UBTD2: variants seen among roughly 807,000 people sequenced by gnomAD.
UBTD2 encodes the protein ubiquitin domain-containing protein 2.
Under a neutral mutation model 19.8 loss-of-function variants are expected in UBTD2, and 9 were observed. That is an observed-to-expected ratio of 0.46 (90% CI 0.27 to 0.79). The LOEUF (loss-of-function observed/expected upper bound fraction) is 0.79. Among genes scored for constraint, UBTD2 ranks in the 30% least tolerant of loss-of-function variants. The pLI, the probability that UBTD2 is intolerant of heterozygous loss-of-function variation, is 0.14. For missense variants in UBTD2, 250 were observed against 300.4 expected, an observed-to-expected ratio of 0.83 and a Z score of 1.24; for synonymous variants, 98 against 103.9, an observed-to-expected ratio of 0.94 and a Z score of 0.35.
chr5:172,282,877 T>G (rs969599825), intron 1 of UBTD2, among the ~76,000 whole-genome samples: 10 of 152,178 alleles, frequency 6.6e-5, no homozygotes, highest in Admixed American at 3.3e-4. Context: ...AGGGTCCAAC[T>G]GCACTTGTAC....
chr5:172,251,260 A>G (rs192986930), intron 1 of UBTD2, among the ~76,000 whole-genome samples: 3,251 of 150,490 alleles, frequency 0.022, 100 homozygotes, highest in African/African-American at 0.075. Context: ...CCAGGCTTGC[A>G]GTGAGCCAAG....
At chr5:172,242,477 T>C in intron 1 of UBTD2, 2 of 946,950 alleles carry the variant, frequency 2.1e-6, no homozygotes, top group Non-Finnish European at 1.3e-6. Flanking sequence ...CCAGGGGATA[T>C]ACGGCAATGT....
At chr5:172,234,401 T>C (rs1561854619) in intron 1 of UBTD2, 43 bp from the exon 2 acceptor site, 3 of 1,515,302 alleles carry the variant, frequency 2.0e-6, no homozygotes, top group South Asian at 2.3e-5. Context: ...CCAAAATTTA[T>C]AAAATATGTA....
intron 1 of UBTD2, among the ~76,000 whole-genome samples, chr5:172,250,286 A>G (rs7706189): frequency 0.32 from 49,113 of 152,088 alleles, 8,022 homozygotes; most frequent in South Asian, 0.42. Context: ...TTCCCATAAA[A>G]TACTTATCAT....
At chr5:172,266,264 A>T (rs576210353) in intron 1 of UBTD2, among the ~76,000 whole-genome samples, 12 of 152,316 alleles carry the variant, frequency 7.9e-5, no homozygotes, top group South Asian at 2.1e-4. Context: ...CAAGCAAAGG[A>T]AACAGCACGA....
chr5:172,233,711 T>G (rs558601151), intron 2 of UBTD2, among the ~76,000 whole-genome samples: 1 of 148,892 alleles, frequency 6.7e-6, no homozygotes, highest in South Asian at 2.1e-4. Flanking sequence ...CTCTACAGCT[T>G]ACAAAATCTA....
chr5:172,242,161 C>CAG (rs1288211446), intron 1 of UBTD2, among the ~76,000 whole-genome samples: 1 of 151,260 alleles, frequency 6.6e-6, no homozygotes, highest in African/African-American at 2.4e-5. Flanking sequence ...TCAACAGGAA[C>CAG]AGAGGCCAGT....
intron 2 of UBTD2, among the ~76,000 whole-genome samples, chr5:172,230,100 A>G (rs756831905): frequency 6.6e-6 from 1 of 152,210 alleles, no homozygotes; most frequent in African/African-American, 2.4e-5. Flanking sequence ...CTTTTTCCAC[A>G]GTATATGTTC....
At chr5:172,260,242 AACTGAATTTTATTCTATT>A (rs1755240590) in intron 1 of UBTD2, among the ~76,000 whole-genome samples, 1 of 152,138 alleles carries the variant, frequency 6.6e-6, no homozygotes, top group African/African-American at 2.4e-5. Flanking sequence ...TCTTGGTGGA[AACTGAATTTTATTCTATT>A]AATACATCTT....
chr5:172,264,519 C>T (rs184174653), intron 1 of UBTD2, among the ~76,000 whole-genome samples: 269 of 134,010 alleles, frequency 2.0e-3, no homozygotes, highest in African/African-American at 6.7e-3. Flanking sequence ...CCAGCCTGGG[C>T]AACAGAGCGA....
intron 1 of UBTD2, among the ~76,000 whole-genome samples, chr5:172,246,011 T>C (rs1376606058): frequency 6.6e-6 from 1 of 152,158 alleles, no homozygotes; most frequent in Non-Finnish European, 1.5e-5. Context: ...GAGCCAGAAA[T>C]ATGTGACCAA....
At chr5:172,270,212 C>G (rs932129608) in intron 1 of UBTD2, among the ~76,000 whole-genome samples, 6 of 151,838 alleles carry the variant, frequency 4.0e-5, no homozygotes, top group African/African-American at 1.4e-4. Flanking sequence ...TCACCAGTAG[C>G]TGGGACTACA....
rs1378858162 is a variant in UBTD2 at position 172,212,234 on chromosome 5, A to G, written c.308-7T>C. The G allele has an allele frequency of 6.3e-7, 1 of 1,578,518 alleles. No homozygotes were observed. Among genetic ancestry groups the G allele is most frequent in the Non-Finnish European group, 8.6e-7 (1 of 1,160,052 alleles). ...TAGCACTCTGTAAGTGCACCTTCAG[A>G]AAGAGAAGATATGAATAAGAACTTA... On this transcript the variant is annotated splice_region_variant and splice_polypyrimidine_tract_variant and intron_variant, in intron 2 of 2. Transcript: ENST00000393792.
chr5:172,240,566 G>A (rs113981903), intron 1 of UBTD2, among the ~76,000 whole-genome samples: 10 of 152,046 alleles, frequency 6.6e-5, no homozygotes, highest in Admixed American at 5.9e-4. Context: ...CCAATGATCT[G>A]AGCATACAAA....
chr5:172,233,783 T>C (rs146317899), intron 2 of UBTD2, among the ~76,000 whole-genome samples: 1 of 96,094 alleles, frequency 1.0e-5, no homozygotes, highest in African/African-American at 4.1e-5. Flanking sequence ...CTCCAATAGA[T>C]TGGCAGGGTG....
At chr5:172,224,448 G>C (rs1218818513) in intron 2 of UBTD2, among the ~76,000 whole-genome samples, 1 of 151,926 alleles carries the variant, frequency 6.6e-6, no homozygotes, top group African/African-American at 2.4e-5. Flanking sequence ...GCACGACCAT[G>C]CCTGGCTAAT....
At chr5:172,218,742 C>T (rs926112617) in intron 2 of UBTD2, among the ~76,000 whole-genome samples, 1 of 144,688 alleles carries the variant, frequency 6.9e-6, no homozygotes. Flanking sequence ...TGTGATCTCA[C>T]TCCAGCCTGG....
intron 1 of UBTD2, among the ~76,000 whole-genome samples, chr5:172,265,551 G>A (rs527329710): frequency 3.3e-5 from 5 of 152,098 alleles, no homozygotes; most frequent in South Asian, 2.1e-4. Flanking sequence ...GGATGGTCTC[G>A]ATCTCCTGAC....
chr5:172,269,770 T>C (rs1295229767), intron 1 of UBTD2, among the ~76,000 whole-genome samples: 1 of 149,512 alleles, frequency 6.7e-6, no homozygotes, highest in Non-Finnish European at 1.5e-5. Flanking sequence ...TTAAACACAT[T>C]TTTTTTTTCT....
Sources: allele counts gnomAD v4.1 joint callset (sites outside exome capture counted in the v4.1 genomes callset), GRCh38; gene constraint gnomAD v4.1.1; transcripts MANE v1.5; gene names NCBI Gene and HGNC (gene_info 2026-07-23, HGNC 2026-07-21).